The following VTI1A variants were observed in gnomAD, a reference collection of about 807,000 sequenced individuals.
VTI1A encodes the protein vesicle transport through interaction with t-SNAREs 1A.
VTI1A carries 22 observed loss-of-function variants against 34.9 expected under a neutral mutation model. The ratio of observed to expected loss-of-function variants is 0.63; its 90% CI spans 0.45 to 0.90. The LOEUF is 0.90. Among genes scored for constraint, VTI1A ranks in the 40% least tolerant of loss-of-function variants. The probability of loss-of-function intolerance (pLI) is 0.00; values close to 1 mark genes in which losing one functional copy is unlikely to be tolerated. For missense variants in VTI1A, 268 were observed against 275.6 expected (o/e 0.97, Z 0.20); for synonymous variants, 87 against 97.3 (o/e 0.89, Z 0.62).
At chr10:112,660,361 G>C (rs973472823) in intron 5 of VTI1A, among the ~76,000 whole-genome samples, 16 of 152,252 alleles carry the variant, frequency 1.1e-4, no homozygotes, top group African/African-American at 3.6e-4. Context: ...GCCTCCCAAA[G>C]TGCTGGGATT....
chr10:112,719,200 G>T (rs1265714654), intron 7 of VTI1A, among the ~76,000 whole-genome samples: 1 of 152,236 alleles, frequency 6.6e-6, no homozygotes, highest in East Asian at 1.9e-4. Flanking sequence ...TAAAATAAAA[G>T]AAATATATTT....
intron 7 of VTI1A, among the ~76,000 whole-genome samples, chr10:112,753,188 TCAA>T (rs1025959728): frequency 8.6e-5 from 13 of 151,912 alleles, no homozygotes; most frequent in African/African-American, 3.1e-4. Context: ...GCTATTAGAC[TCAA>T]CAACTTATTT....
At chr10:112,537,524 T>C (rs577165917) in intron 4 of VTI1A, among the ~76,000 whole-genome samples, 105 of 151,706 alleles carry the variant, frequency 6.9e-4, no homozygotes, top group African/African-American at 2.5e-3. Context: ...CAGATAAATA[T>C]AAAAGAGGTA....
intron 5 of VTI1A, among the ~76,000 whole-genome samples, chr10:112,570,141 C>T (rs559382042): frequency 6.6e-6 from 1 of 152,010 alleles, no homozygotes; most frequent in South Asian, 2.1e-4. Context: ...TGCAGTGTTG[C>T]CAGGAACACC....
At chr10:112,604,741 A>G (rs1564845169) in intron 5 of VTI1A, among the ~76,000 whole-genome samples, 1 of 152,236 alleles carries the variant, frequency 6.6e-6, no homozygotes, top group Non-Finnish European at 1.5e-5. Flanking sequence ...AAGAGATATA[A>G]AACATTACAT....
intron 7 of VTI1A, among the ~76,000 whole-genome samples, chr10:112,765,192 A>ATGTTT (rs72146474): frequency 0.038 from 5,795 of 151,762 alleles, 148 homozygotes; most frequent in African/African-American, 0.061. Flanking sequence ...ACTAGTTTGT[A>ATGTTT]TGTTTTGTTT....
At chr10:112,754,088 C>T (rs1311882718) in intron 7 of VTI1A, among the ~76,000 whole-genome samples, 2 of 152,164 alleles carry the variant, frequency 1.3e-5, no homozygotes, top group Non-Finnish European at 2.9e-5. Flanking sequence ...GGACATTGCA[C>T]TCTGCAAAAA....
At chr10:112,825,828 C>G in the VTI1A span, 1 of 152,164 alleles carries the variant, frequency 6.6e-6, no homozygotes, top group African/African-American at 2.4e-5. Context: ...CTGAGAGAAC[C>G]GTGAAATACA....
chr10:112,829,465 G>T, the VTI1A span, among the ~76,000 whole-genome samples: 2 of 138,212 alleles, frequency 1.4e-5, no homozygotes, highest in South Asian at 4.6e-4. Context: ...AAAATCTATT[G>T]ATTGGCTGGG....
chr10:112,529,566 A>G (rs1850354587), intron 4 of VTI1A, among the ~76,000 whole-genome samples: 1 of 152,262 alleles, frequency 6.6e-6, no homozygotes, highest in Non-Finnish European at 1.5e-5. Context: ...AATTTATATA[A>G]GAAAAGGTCT....
chr10:112,554,729 C>T (rs1851484892), intron 5 of VTI1A, among the ~76,000 whole-genome samples: 2 of 151,982 alleles, frequency 1.3e-5, no homozygotes, highest in South Asian at 4.2e-4. Flanking sequence ...TTAAAAGCAC[C>T]TTGGCCAGGT....
chr10:112,812,368 G>T (rs1017184635), intron 7 of VTI1A, among the ~76,000 whole-genome samples: 1 of 152,150 alleles, frequency 6.6e-6, no homozygotes, highest in African/African-American at 2.4e-5. Context: ...AAGTTCCTTC[G>T]CTGCCATCTC....
At chr10:112,652,932 AAT>A (rs1847093101) in intron 5 of VTI1A, among the ~76,000 whole-genome samples, 1 of 152,182 alleles carries the variant, frequency 6.6e-6, no homozygotes, top group Non-Finnish European at 1.5e-5. Context: ...AATTGGACAA[AAT>A]GCATACACAA....
intron 5 of VTI1A, among the ~76,000 whole-genome samples, chr10:112,554,460 A>C (rs1321829230): frequency 6.6e-6 from 1 of 152,186 alleles, no homozygotes; most frequent in South Asian, 2.1e-4. Flanking sequence ...ATAATAATGT[A>C]AGTGATAATG....
chr10:112,616,181 G>A (rs1845507178), intron 5 of VTI1A, among the ~76,000 whole-genome samples: 1 of 152,112 alleles, frequency 6.6e-6, no homozygotes, highest in Non-Finnish European at 1.5e-5. Flanking sequence ...AGAATAGAGA[G>A]CAGTGATTTA....
intron 5 of VTI1A, among the ~76,000 whole-genome samples, chr10:112,604,230 C>T (rs1844987597): frequency 6.6e-6 from 1 of 152,096 alleles, no homozygotes; most frequent in Non-Finnish European, 1.5e-5. Flanking sequence ...GTATGTTATC[C>T]AACCTCTTTA....
intron 5 of VTI1A, among the ~76,000 whole-genome samples, chr10:112,541,262 C>T (rs1161527455): frequency 1.3e-5 from 2 of 151,926 alleles, no homozygotes; most frequent in Admixed American, 6.6e-5. Context: ...AGAGAAAAAC[C>T]ACATCATCTG....
chr10:112,652,390 A>G (rs1847067225), intron 5 of VTI1A, among the ~76,000 whole-genome samples: 1 of 152,148 alleles, frequency 6.6e-6, no homozygotes, highest in Non-Finnish European at 1.5e-5. Flanking sequence ...AAAATGCACA[A>G]AATCCTGGAA....
intron 7 of VTI1A, among the ~76,000 whole-genome samples, chr10:112,708,556 T>C (rs965134804): frequency 6.6e-6 from 1 of 152,242 alleles, no homozygotes; most frequent in African/African-American, 2.4e-5. Flanking sequence ...TTTGACAAGA[T>C]TCTTTTAGTT....
Sources: allele counts gnomAD v4.1 joint callset (sites outside exome capture counted in the v4.1 genomes callset), GRCh38; gene constraint gnomAD v4.1.1; transcripts MANE v1.5; gene names NCBI Gene and HGNC (gene_info 2026-07-23, HGNC 2026-07-21).